IMMP2L: variants seen among roughly 807,000 people sequenced by gnomAD.
IMMP2L encodes mitochondrial inner membrane protease subunit 2.
In IMMP2L, 18 loss-of-function variants were observed where a neutral mutation model predicts 19.3. The ratio of observed to expected loss-of-function variants is 0.93; its 90% confidence interval spans 0.64 to 1.38. The LOEUF (loss-of-function observed/expected upper bound fraction) is 1.38. Among genes scored for constraint, IMMP2L ranks in the 40% most tolerant of loss-of-function variants. IMMP2L has a pLI of 0.00. For missense variants in IMMP2L, 233 were observed against 218.2 expected, an observed-to-expected ratio of 1.07 and a Z score of -0.43; for synonymous variants, 76 against 73.0, an observed-to-expected ratio of 1.04 and a Z score of -0.21.
intron 3 of IMMP2L, among the ~76,000 whole-genome samples, chr7:111,126,610 C>T (rs1334168381): frequency 6.6e-6 from 1 of 151,904 alleles, no homozygotes; most frequent in African/African-American, 2.4e-5. Context: ...GTGCCAAGTA[C>T]ATTAGTAGTC....
intron 3 of IMMP2L, among the ~76,000 whole-genome samples, chr7:111,017,678 G>C (rs891280861): frequency 6.6e-6 from 1 of 151,932 alleles, no homozygotes; most frequent in African/African-American, 2.4e-5. Flanking sequence ...GGTTTCCTTG[G>C]TTTTGACCCT....
chr7:111,389,383 C>T (rs1832110153), intron 3 of IMMP2L, among the ~76,000 whole-genome samples: 1 of 151,978 alleles, frequency 6.6e-6, no homozygotes, highest in Non-Finnish European at 1.5e-5. Flanking sequence ...TGAATTGAAT[C>T]TGTGTAATAG....
chr7:110,691,217 G>C (rs1793481465), intron 5 of IMMP2L, among the ~76,000 whole-genome samples: 1 of 152,114 alleles, frequency 6.6e-6, no homozygotes, highest in South Asian at 2.1e-4. Flanking sequence ...ATAAATTGGG[G>C]AAAGGACACC....
intron 5 of IMMP2L, among the ~76,000 whole-genome samples, chr7:110,692,996 T>C (rs764050539): frequency 6.6e-6 from 1 of 152,204 alleles, no homozygotes; most frequent in Non-Finnish European, 1.5e-5. Context: ...CCCAGGGTGC[T>C]CCTTTGAATC....
chr7:111,028,179 A>T (rs1047727318), intron 3 of IMMP2L, among the ~76,000 whole-genome samples: 1 of 152,130 alleles, frequency 6.6e-6, no homozygotes, highest in African/African-American at 2.4e-5. Flanking sequence ...CACAAATTAA[A>T]CAATTTAAAT....
chr7:110,915,650 T>C (rs2129549361), intron 4 of IMMP2L, among the ~76,000 whole-genome samples: 1 of 152,322 alleles, frequency 6.6e-6, no homozygotes, highest in East Asian at 1.9e-4. Flanking sequence ...ACAGTAGCTA[T>C]AGATAGTGAC....
intron 3 of IMMP2L, among the ~76,000 whole-genome samples, chr7:111,243,260 C>T (rs372923740): frequency 6.6e-6 from 1 of 151,806 alleles, no homozygotes; most frequent in Non-Finnish European, 1.5e-5. Flanking sequence ...ATTTATTATG[C>T]TAAAAGAGTT....
At chr7:111,130,800 T>C (rs987327157) in intron 3 of IMMP2L, among the ~76,000 whole-genome samples, 5 of 152,080 alleles carry the variant, frequency 3.3e-5, no homozygotes, top group Non-Finnish European at 5.9e-5. Flanking sequence ...TGAAATTCAT[T>C]ATCAGAACTG....
intron 3 of IMMP2L, among the ~76,000 whole-genome samples, chr7:111,030,233 A>C (rs1234582442): frequency 6.6e-6 from 1 of 152,122 alleles, no homozygotes; most frequent in East Asian, 1.9e-4. Context: ...TTTAAATATT[A>C]GTCACTTCCT....
chr7:111,390,001 A>T (rs1832179680), intron 3 of IMMP2L, among the ~76,000 whole-genome samples: 1 of 152,188 alleles, frequency 6.6e-6, no homozygotes, highest in Non-Finnish European at 1.5e-5. Context: ...TATAAATATA[A>T]GGATAAAATT....
At chr7:111,015,726 G>A (rs1016580097) in intron 3 of IMMP2L, among the ~76,000 whole-genome samples, 1 of 151,876 alleles carries the variant, frequency 6.6e-6, no homozygotes, top group African/African-American at 2.4e-5. Context: ...TTCTTTAGGG[G>A]GTAATGAAAA....
chr7:111,424,442 G>C (rs1835882386), intron 3 of IMMP2L, among the ~76,000 whole-genome samples: 1 of 151,858 alleles, frequency 6.6e-6, no homozygotes, highest in African/African-American at 2.4e-5. Flanking sequence ...TTAACAGACT[G>C]CGAGGGCCAG....
chr7:111,071,532 T>C (rs1018692227), intron 3 of IMMP2L, among the ~76,000 whole-genome samples: 3 of 152,118 alleles, frequency 2.0e-5, no homozygotes, highest in African/African-American at 7.2e-5. Flanking sequence ...ATGTTATATA[T>C]ACATAATACA....
At chr7:111,162,855 C>T (rs1805418418) in intron 3 of IMMP2L, among the ~76,000 whole-genome samples, 1 of 151,962 alleles carries the variant, frequency 6.6e-6, no homozygotes, top group South Asian at 2.1e-4. Context: ...AACATAAACA[C>T]TAAGAGACTT....
intron 3 of IMMP2L, among the ~76,000 whole-genome samples, chr7:111,036,349 C>G (rs1016580113): frequency 5.3e-5 from 8 of 152,266 alleles, no homozygotes; most frequent in South Asian, 2.1e-4. Flanking sequence ...AGTCATCTCC[C>G]CTTTGGGGCC....
intron 3 of IMMP2L, among the ~76,000 whole-genome samples, chr7:111,466,380 G>A (rs1840665790): frequency 6.6e-6 from 1 of 152,064 alleles, no homozygotes; most frequent in Non-Finnish European, 1.5e-5. Context: ...TTTTAGGAAA[G>A]GGTAAGGAGT....
intron 3 of IMMP2L, among the ~76,000 whole-genome samples, chr7:111,120,407 G>A (rs1800449320): frequency 6.6e-6 from 1 of 152,010 alleles, no homozygotes; most frequent in Non-Finnish European, 1.5e-5. Context: ...AAAAACATCA[G>A]ATCTCCTGAG....
chr7:111,421,130 G>A (rs10275307), intron 3 of IMMP2L, among the ~76,000 whole-genome samples: 1 of 151,640 alleles, frequency 6.6e-6, no homozygotes, highest in Non-Finnish European at 1.5e-5. Context: ...TCTCATTGTG[G>A]TTTTGATTTG....
Position 110,663,563 on chromosome 7 carries a change from T to C in IMMP2L, c.*39A>G. The C allele has an allele frequency of 6.2e-7, 1 of 1,606,072 alleles. No individual in the cohort carries two copies. Among genetic ancestry groups the C allele is most frequent in the South Asian group, 1.1e-5 (1 of 90,644 alleles). On this transcript the variant is annotated 3_prime_UTR_variant, in exon 6 of 6. Transcript: ENST00000405709. ...CTTTTTTCCATTCCTTTCCAGTAAC[T>C]GGCCTCCCAATGCCAGCAACTCAGG...
Sources: gnomAD v4.1 joint callset for allele counts (sites outside exome capture counted in the v4.1 genomes callset) on GRCh38, gnomAD v4.1.1 for gene constraint, MANE v1.5 for transcripts, NCBI Gene and HGNC (gene_info 2026-07-23, HGNC 2026-07-21) for gene names.